COL14A1: variants seen among roughly 807,000 people sequenced by gnomAD.
The protein encoded by COL14A1 is collagen alpha-1(XIV) chain.
A neutral mutation model predicts 230.3 loss-of-function variants in COL14A1; 136 were observed. That is an observed-to-expected ratio of 0.59 (90% CI 0.51 to 0.68). COL14A1 has a LOEUF of 0.68. Among genes scored for constraint, COL14A1 ranks in the 30% least tolerant of loss-of-function variants. The pLI is 0.00. For missense variants in COL14A1, 1,976 were observed against 2,215.8 expected, an observed-to-expected ratio of 0.89 and a Z score of 2.17; for synonymous variants, 792 against 784.1, an observed-to-expected ratio of 1.01 and a Z score of -0.17.
At chr8:120,136,436 G>A (rs1351520907) in intron 1 of COL14A1, among the ~76,000 whole-genome samples, 2 of 151,366 alleles carry the variant, frequency 1.3e-5, no homozygotes, top group African/African-American at 2.4e-5. Context: ...ATATTATCTT[G>A]ATGGTTAGCC....
chr8:120,371,188 A>C lies in COL14A1; in HGVS notation c.5348A>C (p.Gln1783Pro). Residue 1783 changes from glutamine to proline, a missense_variant, in exon 48 of 48, where the codon CAA becomes CCA. Physicochemically the swap from Gln to Pro is moderately conservative, Grantham distance 76. Around this residue, in one of 3 missense-constraint regions of COL14A1, gnomAD observed 1,791 missense variants for 2,019.5 expected, o/e 0.89. Coordinates refer to ENST00000297848, the MANE Select transcript of COL14A1 (RefSeq NM_021110.4). ...GATCAGCCAGAGTTCACCCCTGTCC[A>C]AGATGAGCTGGAAGCCATGGAACTG... Reference protein sequence around the residue: ...HPDQPEFTPVQDELEAMELWG... With the variant: ...HPDQPEFTPVPDELEAMELWG... 3.1e-6 allele frequency: 5 copies of C among 1,611,556 alleles called. No individual in the cohort carries two copies. Among genetic ancestry groups the C allele is most frequent in the Non-Finnish European group, 4.2e-6 (5 of 1,178,884 alleles).
At position 120,297,564 on chromosome 8, in the gene COL14A1, C is replaced by T; in HGVS notation, c.4290C>T (p.Asp1430=). ...GCTCCACATCATGGGCCAATACAGA[C>T]AAATGCTGTGAACTTCCAGGCCTGG... The part of the protein sequence containing the change: ...IVCSTSWANT[D]KCCELPGLRD... Residue 1430 remains aspartate, a synonymous_variant, in exon 35 of 48, where the codon GAC becomes GAT. Coordinates refer to ENST00000297848, the MANE Select transcript of COL14A1 (RefSeq NM_021110.4). 1 of 1,430,478 alleles carries T rather than the reference C, an allele frequency of 7.0e-7. No homozygotes were observed. The allele number at this position is 1,430,478 out of a possible 1,614,324, so 88.6% of individuals were successfully genotyped here.
chr8:120,134,540 T>C (rs1814646607), intron 1 of COL14A1, among the ~76,000 whole-genome samples: 1 of 152,048 alleles, frequency 6.6e-6, no homozygotes, highest in African/African-American at 2.4e-5. Context: ...AATGCTATAA[T>C]TCCAAAGGAG....
At chr8:120,261,428 A>G (rs1039396549) in intron 23 of COL14A1, among the ~76,000 whole-genome samples, 1 of 152,220 alleles carries the variant, frequency 6.6e-6, no homozygotes, top group African/African-American at 2.4e-5. Context: ...GTTGGCTATT[A>G]TTATCTTTAT....
rs569430937 is a variant in COL14A1 at position 120,288,483 on chromosome 8, C to T, written c.4078-1125C>T. On this transcript the variant is annotated intron_variant, in intron 33 of 47. Coordinates refer to ENST00000297848, the MANE Select transcript of COL14A1 (RefSeq NM_021110.4). ...AACACTATCTTAATGTGAAAGAGGA[C>T]ATTATTTCATTGACATTCAACCTGT... 5.9e-5 allele frequency among the ~76,000 whole-genome samples: 9 copies of T among 152,210 alleles called. No individual in the cohort carries two copies. The East Asian group carries it at 1.5e-3, about 26-fold the overall frequency.
In COL14A1 at chr8:120,316,057, T is replaced by C. The variant is rs1821218818; in HGVS notation, c.4659+60T>C. ...TAGTGACCTTTTCACCAGGTCACTC[T>C]TATTGCTGACAGGCTTCTATGTAAG... On this transcript the variant is annotated intron_variant, in intron 40 of 47. Transcript: ENST00000297848. The C allele has an allele frequency of 7.8e-6, 12 of 1,545,536 alleles. 1 individual carries two copies. In the South Asian group the frequency reaches 1.1e-4, roughly 15 times the overall value.
intron 5 of COL14A1, among the ~76,000 whole-genome samples, chr8:120,188,436 C>T (rs947779577): frequency 1.3e-4 from 20 of 152,098 alleles, no homozygotes; most frequent in Admixed American, 3.9e-4. Flanking sequence ...GTTAAGAAAT[C>T]GCTAGTTCTT....
chr8:120,144,102 T>G (rs1815008285), intron 1 of COL14A1, among the ~76,000 whole-genome samples: 1 of 152,154 alleles, frequency 6.6e-6, no homozygotes, highest in African/African-American at 2.4e-5. Flanking sequence ...GCTGAACACA[T>G]TTTGATAAAT....
rs1054218228 is a variant in COL14A1, at chr8:120,258,924, A to G, written c.2869+3568A>G. ...ATTCATGCATTTATTAATATATGCC[A>G]CATAGGCCCAAACACTTTATTCCCA... On this transcript the variant is annotated intron_variant, in intron 23 of 47. Coordinates refer to ENST00000297848, the MANE Select transcript of COL14A1 (RefSeq NM_021110.4). 1.1e-4 allele frequency among the ~76,000 whole-genome samples: 17 copies of G among 152,312 alleles called. No homozygotes were observed. The East Asian group carries it at 3.1e-3, about 28-fold the overall frequency.
Position 120,134,275 on chromosome 8 carries a change from T to C in COL14A1, c.-38+8935T>C, listed in dbSNP as rs796801556. 7.7e-4 allele frequency among the ~76,000 whole-genome samples: 117 copies of C among 152,158 alleles called. 1 individual carries two copies. The highest frequency in any genetic ancestry group is 2.7e-3 in the African/African-American group (114 of 41,552). On this transcript the variant is annotated intron_variant, in intron 1 of 47. Coordinates refer to ENST00000297848, the MANE Select transcript of COL14A1 (RefSeq NM_021110.4). Reference sequence around the variant, plus strand: ...AAACTTAAAAGAAAATATTAAAACATATTATAAAGTTTTGATATTTACAAT... The same window carrying C: ...AAACTTAAAAGAAAATATTAAAACACATTATAAAGTTTTGATATTTACAAT...
intron 40 of COL14A1, 144 bp from the exon 41 acceptor site, chr8:120,331,997 G>T: frequency 1.6e-6 from 1 of 628,078 alleles, no homozygotes; most frequent in Non-Finnish European, 2.8e-6. Flanking sequence ...CAATTTCCAT[G>T]AAGAGTTTAA....
At chr8:120,279,684 A>G (rs1005625918) in intron 28 of COL14A1, among the ~76,000 whole-genome samples, 1 of 152,168 alleles carries the variant, frequency 6.6e-6, no homozygotes, top group African/African-American at 2.4e-5. Context: ...ACTTCGTCTC[A>G]GGCACAATTT....
At chr8:120,367,319 A>G in intron 46 of COL14A1, 71 bp downstream of exon 46, 1 of 1,258,212 alleles carries the variant, frequency 7.9e-7, no homozygotes, top group Non-Finnish European at 1.1e-6. Flanking sequence ...CAAGTGAGGA[A>G]AATGGTCATC....
At chr8:120,365,335 C>T (rs1362155123) in intron 45 of COL14A1, among the ~76,000 whole-genome samples, 2 of 152,162 alleles carry the variant, frequency 1.3e-5, no homozygotes, top group Non-Finnish European at 2.9e-5. Context: ...CACTGAGTCA[C>T]CACGCTCTTA....
intron 36 of COL14A1, among the ~76,000 whole-genome samples, chr8:120,304,675 A>AT (rs1236962743): frequency 6.6e-6 from 1 of 152,060 alleles, no homozygotes; most frequent in Non-Finnish European, 1.5e-5. Context: ...TCTTTGTCTA[A>AT]TTTTTTAATT....
intron 8 of COL14A1, among the ~76,000 whole-genome samples, chr8:120,202,120 T>C (rs1817268847): frequency 6.6e-6 from 1 of 152,182 alleles, no homozygotes; most frequent in African/African-American, 2.4e-5. Context: ...TTTTGTCCAA[T>C]AAAGGAAATC....
At chr8:120,152,409 G>C (rs1275239146) in intron 2 of COL14A1, among the ~76,000 whole-genome samples, 2 of 138,134 alleles carry the variant, frequency 1.4e-5, no homozygotes, top group African/African-American at 5.4e-5. Flanking sequence ...GGCGGAGCTT[G>C]CAGTGAGCCG....
At chr8:120,238,653 A>G (rs1010394308) in intron 19 of COL14A1, among the ~76,000 whole-genome samples, 1 of 152,156 alleles carries the variant, frequency 6.6e-6, no homozygotes, top group Non-Finnish European at 1.5e-5. Flanking sequence ...ATCATGGGGT[A>G]TGAAAATAAA....
intron 42 of COL14A1, among the ~76,000 whole-genome samples, chr8:120,333,859 T>A (rs944730751): frequency 1.3e-5 from 2 of 152,206 alleles, no homozygotes; most frequent in African/African-American, 4.8e-5. Flanking sequence ...TTTTCTGCCG[T>A]AGTCACTTCT....
Sources: allele counts gnomAD v4.1 joint callset (sites outside exome capture counted in the v4.1 genomes callset), GRCh38; gene constraint gnomAD v4.1.1; regional missense constraint gnomAD v4.1.1; transcripts MANE v1.5; gene names NCBI Gene and HGNC (gene_info 2026-07-23, HGNC 2026-07-21).